RASAL2: variants seen among roughly 807,000 people sequenced by gnomAD.
The protein encoded by RASAL2 is RAS protein activator like 2.
In RASAL2, 58 loss-of-function variants were observed where a neutral mutation model predicts 128.9. The ratio of observed to expected loss-of-function variants is 0.45; its 90% confidence interval spans 0.36 to 0.56. RASAL2 has a LOEUF of 0.56. RASAL2 is among the 20% of genes least tolerant of loss of function. The pLI is 0.00. For missense variants in RASAL2, 1,360 were observed against 1,601.6 expected (o/e 0.85, Z 2.57); for synonymous variants, 561 against 580.8 (o/e 0.97, Z 0.49).
intron 3 of RASAL2, among the ~76,000 whole-genome samples, chr1:178,385,529 G>A (rs918997559): frequency 7.2e-5 from 11 of 151,802 alleles, no homozygotes; most frequent in African/African-American, 2.4e-4. Flanking sequence ...CTGACCAGGT[G>A]GTTTTTCATT....
At chr1:178,113,272 C>G (rs1659400944) in intron 1 of RASAL2, among the ~76,000 whole-genome samples, 1 of 151,786 alleles carries the variant, frequency 6.6e-6, no homozygotes, top group South Asian at 2.1e-4. Flanking sequence ...GTGAGATATA[C>G]AACCCTGACT....
intron 3 of RASAL2, among the ~76,000 whole-genome samples, chr1:178,338,992 G>T (rs1669732414): frequency 6.6e-6 from 1 of 152,222 alleles, no homozygotes; most frequent in Non-Finnish European, 1.5e-5. Flanking sequence ...ACGTTAGTCA[G>T]TGCTTCATAA....
At chr1:178,353,393 G>C (rs1277858362) in intron 3 of RASAL2, among the ~76,000 whole-genome samples, 1 of 152,196 alleles carries the variant, frequency 6.6e-6, no homozygotes. Flanking sequence ...AAGGCCACCA[G>C]GTTCTTTGCT....
At chr1:178,369,939 C>A (rs1394374391) in intron 3 of RASAL2, among the ~76,000 whole-genome samples, 1 of 151,954 alleles carries the variant, frequency 6.6e-6, no homozygotes, top group Non-Finnish European at 1.5e-5. Context: ...GACGTGAGAG[C>A]CATTAGTTCT....
In RASAL2 at chr1:178,473,124, C is replaced by T. The variant is rs778379527; in HGVS notation, c.3728C>T (p.Ala1243Val). The T allele has an allele frequency of 1.5e-5, 24 of 1,614,016 alleles. No individual in the cohort carries two copies. Among genetic ancestry groups the T allele is most frequent in the Non-Finnish European group, 1.9e-5 (22 of 1,180,022 alleles). Reference protein sequence around the residue: ...LDSANTRLMSALTQVKERYSM... With the variant: ...LDSANTRLMSVLTQVKERYSM... ...TCAGCCAACACCAGACTGATGAGCG[C>T]GCTGACCCAAGTGAAGGAGCGGTAC... Residue 1243 changes from alanine (A) to valine (V), a missense_variant, in exon 18 of 18, where the codon GCG becomes GTG. Physicochemically the swap from Ala to Val is moderately conservative, Grantham distance 64. Around this residue, in one of 3 missense-constraint regions of RASAL2, gnomAD observed 741 missense variants for 868.6 expected, o/e 0.85. Transcript: ENST00000367649.
chr1:178,222,117 ATG>A (rs908972383), intron 1 of RASAL2, among the ~76,000 whole-genome samples: 3 of 152,014 alleles, frequency 2.0e-5, no homozygotes, highest in East Asian at 1.9e-4. Context: ...CTTTTAATCT[ATG>A]TGTGTCTTTA....
intron 1 of RASAL2, among the ~76,000 whole-genome samples, chr1:178,141,193 CTTTTTTTTT>C (rs71297900): frequency 5.4e-5 from 4 of 73,948 alleles, no homozygotes; most frequent in African/African-American, 2.1e-4. Context: ...CTTTTCTTTT[CTTTTTTTTT>C]TTTTTTTTTT....
intron 1 of RASAL2, among the ~76,000 whole-genome samples, chr1:178,117,501 G>C (rs576475585): frequency 6.6e-6 from 1 of 152,306 alleles, no homozygotes; most frequent in African/African-American, 2.4e-5. Flanking sequence ...AATATGCTAT[G>C]GTCTGAATGC....
At chr1:178,231,025 C>T (rs1353909562) in intron 1 of RASAL2, among the ~76,000 whole-genome samples, 3 of 152,142 alleles carry the variant, frequency 2.0e-5, no homozygotes, top group Non-Finnish European at 2.9e-5. Context: ...GCCATTTTGC[C>T]TTTTGTGTGC....
chr1:178,275,478 G>A (rs1321605129), intron 1 of RASAL2, among the ~76,000 whole-genome samples: 1 of 152,212 alleles, frequency 6.6e-6, no homozygotes, highest in Non-Finnish European at 1.5e-5. Flanking sequence ...AAGCAAGGTA[G>A]AACTATCATA....
intron 1 of RASAL2, among the ~76,000 whole-genome samples, chr1:178,208,895 C>T (rs1663156560): frequency 6.6e-6 from 1 of 152,128 alleles, no homozygotes; most frequent in African/African-American, 2.4e-5. Context: ...CTTTATTTCT[C>T]AGCCGGCCAA....
At chr1:178,379,956 G>T (rs1001437489) in intron 3 of RASAL2, among the ~76,000 whole-genome samples, 2 of 152,190 alleles carry the variant, frequency 1.3e-5, no homozygotes, top group Non-Finnish European at 2.9e-5. Context: ...GTCAAGCCCT[G>T]CCTCTTCCAC....
intron 1 of RASAL2, among the ~76,000 whole-genome samples, chr1:178,167,354 T>TAC (rs1459782829): frequency 1.3e-5 from 2 of 152,172 alleles, no homozygotes; most frequent in Non-Finnish European, 2.9e-5. Flanking sequence ...TTTGTTGATA[T>TAC]CTGTAGTATA....
chr1:178,449,779 T>C (rs1457357579), intron 9 of RASAL2, among the ~76,000 whole-genome samples: 2 of 152,162 alleles, frequency 1.3e-5, no homozygotes, highest in Non-Finnish European at 1.5e-5. Flanking sequence ...CTTTTTAAGC[T>C]GGTACTATAG....
In RASAL2 at chr1:178,174,838, T is replaced by G. The variant is rs375707164; in HGVS notation, c.202+80144T>G. On this transcript the variant is annotated intron_variant, in intron 1 of 17. Coordinates refer to ENST00000367649, the MANE Select transcript of RASAL2 (RefSeq NM_170692.4). ...GCTAAATTCAGCTCTTTCCTGAGCTTGCTTTAAAAAATAATCATCCTTGCC... is the reference window on the plus strand; with the variant it reads ...GCTAAATTCAGCTCTTTCCTGAGCTGGCTTTAAAAAATAATCATCCTTGCC... Among the ~76,000 whole-genome samples the G allele has an allele frequency of 2.6e-4, 40 of 152,296 alleles. 1 individual carries two copies. In the Middle Eastern group the frequency reaches 0.01, roughly 39 times the overall value.
In RASAL2 at chr1:178,101,226, G is replaced by A. The variant is rs575131622; in HGVS notation, c.202+6532G>A. On this transcript the variant is annotated intron_variant, in intron 1 of 17. Transcript: ENST00000367649. The stretch of plus-strand genomic sequence containing the variant: ...AGAAATAAAAATTGAACCCTTAAAG[G>A]CATAAAAACATTTCATTTGCTAGAC... Among the ~76,000 whole-genome samples the A allele has an allele frequency of 3.1e-4, 47 of 152,216 alleles. No individual in the cohort carries two copies. The South Asian group carries it at 9.5e-3, about 31-fold the overall frequency.
intron 1 of RASAL2, among the ~76,000 whole-genome samples, chr1:178,170,851 T>C (rs1661682103): frequency 6.6e-6 from 1 of 151,816 alleles, no homozygotes. Context: ...AAGTTATCAG[T>C]TCTTTTTGTT....
chr1:178,101,130 T>G (rs2102220866), intron 1 of RASAL2, among the ~76,000 whole-genome samples: 1 of 152,288 alleles, frequency 6.6e-6, no homozygotes, highest in East Asian at 1.9e-4. Flanking sequence ...GTAATGTGGT[T>G]CACAAGTAGA....
chr1:178,224,821 T>G (rs920852515), intron 1 of RASAL2, among the ~76,000 whole-genome samples: 5 of 152,160 alleles, frequency 3.3e-5, no homozygotes, highest in Non-Finnish European at 7.4e-5. Context: ...GTTTTCCCTT[T>G]TCATCTCTAC....
Sources: allele counts gnomAD v4.1 joint callset (sites outside exome capture counted in the v4.1 genomes callset), GRCh38; gene constraint gnomAD v4.1.1; regional missense constraint gnomAD v4.1.1; transcripts MANE v1.5; gene names NCBI Gene and HGNC (gene_info 2026-07-23, HGNC 2026-07-21).